The following ZFYVE16 variants were observed in gnomAD, a reference collection of about 807,000 sequenced individuals.
The protein encoded by ZFYVE16 is zinc finger FYVE-type containing 16.
A neutral mutation model predicts 138.1 loss-of-function variants in ZFYVE16; 89 were observed. The observed-to-expected ratio is 0.64, with a 90% CI of 0.54 to 0.77. The LOEUF is 0.77. Among genes scored for constraint, ZFYVE16 ranks in the 30% least tolerant of loss-of-function variants. ZFYVE16 has a pLI of 0.00. For synonymous variants in ZFYVE16, 596 were observed against 618.3 expected, an observed-to-expected ratio of 0.96 and a Z score of 0.53; for missense variants, 1,793 against 1,786.7, an observed-to-expected ratio of 1.00 and a Z score of -0.06.
chr5:80,466,146 G>A (rs1459225653), intron 15 of ZFYVE16, among the ~76,000 whole-genome samples: 2 of 151,690 alleles, frequency 1.3e-5, no homozygotes, highest in Admixed American at 1.3e-4. Flanking sequence ...GGCTGGTCTC[G>A]AACTCCTGAA....
intron 1 of ZFYVE16, among the ~76,000 whole-genome samples, chr5:80,415,710 C>T (rs1746113744): frequency 6.6e-6 from 1 of 152,084 alleles, no homozygotes; most frequent in African/African-American, 2.4e-5. Flanking sequence ...CTCTATCACC[C>T]AGGCTGGAGT....
At chr5:80,436,441 C>T (rs910786920) in intron 3 of ZFYVE16, among the ~76,000 whole-genome samples, 1 of 152,102 alleles carries the variant, frequency 6.6e-6, no homozygotes, top group Non-Finnish European at 1.5e-5. Context: ...ATTTCTTGAA[C>T]ACTTAAGTTT....
At chr5:80,424,897 T>C (rs574234679) in intron 1 of ZFYVE16, among the ~76,000 whole-genome samples, 2 of 152,374 alleles carry the variant, frequency 1.3e-5, no homozygotes, top group Non-Finnish European at 2.9e-5. Context: ...CCAATGTTAT[T>C]GAAAATTCTT....
In ZFYVE16 at chr5:80,459,397, T is replaced by G; in HGVS notation, c.3944-17T>G. On this transcript the variant is annotated splice_polypyrimidine_tract_variant and intron_variant, in intron 14 of 18. Transcript: ENST00000505560. ...ATGAGCAGTTTAAAACAAATAATTG[T>G]TGTATTTCTTGATCAGTGACAGGTG... 3 of 1,606,568 alleles carry G rather than the reference T, an allele frequency of 1.9e-6. No homozygotes were observed. The highest frequency in any genetic ancestry group is 2.6e-6 in the Non-Finnish European group (3 of 1,176,218).
chr5:80,411,134 A>ATTTTTT (rs58086060), intron 1 of ZFYVE16, among the ~76,000 whole-genome samples: 9 of 95,230 alleles, frequency 9.5e-5, no homozygotes, highest in African/African-American at 1.6e-4. Flanking sequence ...CGCCCAGCTA[A>ATTTTTT]TTTTTTTTTT....
chr5:80,452,327 C>T (rs1435391662), intron 11 of ZFYVE16: 2 of 149,090 alleles, frequency 1.3e-5, no homozygotes, highest in African/African-American at 5.0e-5. Flanking sequence ...TGCAGCTACT[C>T]AGGAGGCTGA....
rs376333676 is a variant in ZFYVE16, at chr5:80,439,032, C to A, written c.2322+25C>A. 1.7e-5 allele frequency: 26 copies of A among 1,570,356 alleles called. No individual in the cohort carries two copies. In the African/African-American group the frequency reaches 3.4e-4, roughly 21 times the overall value. ...AGTAAGTTATAAAAATCTTTTAAGT[C>A]TTTTGTTCTTTTGAGACATTTTAAA... On this transcript the variant is annotated intron_variant, in intron 4 of 18. Transcript: ENST00000505560.
chr5:80,419,755 A>T (rs1485229152), intron 1 of ZFYVE16, among the ~76,000 whole-genome samples: 2 of 151,856 alleles, frequency 1.3e-5, no homozygotes, highest in East Asian at 3.9e-4. Context: ...TTTAGTTGGG[A>T]TTGCACAAGA....
rs763987529 is a variant in ZFYVE16, at chr5:80,438,980, G to T, written c.2295G>T (p.Arg765=). The change falls in exon 4 of 19, where the codon CGG becomes CGT. Residue 765 remains arginine, a synonymous_variant. Transcript: ENST00000505560. The stretch of plus-strand genomic sequence containing the variant: ...AAGTCAAATTTACTTTTACCAAACG[G>T]CGACACCATTGCCGAGCATGTGGGA... ...NCQVKFTFTK[R]RHHCRACGKV... is the part of the protein sequence containing the mutation. 5 of 1,612,218 alleles carry T rather than the reference G, an allele frequency of 3.1e-6. No individual in the cohort carries two copies. The highest frequency in any genetic ancestry group is 1.7e-4 in the Middle Eastern group (1 of 6,052).
intron 1 of ZFYVE16, among the ~76,000 whole-genome samples, chr5:80,420,792 A>G (rs1177714514): frequency 3.3e-5 from 5 of 152,194 alleles, no homozygotes; most frequent in African/African-American, 7.2e-5. Context: ...ATGATTTATA[A>G]TCCTTTGGGT....
intron 1 of ZFYVE16, among the ~76,000 whole-genome samples, chr5:80,410,770 A>G (rs1394456440): frequency 6.6e-6 from 1 of 151,130 alleles, no homozygotes; most frequent in Non-Finnish European, 1.5e-5. Flanking sequence ...GGGTTTCACC[A>G]TGTTGGCCAG....
In ZFYVE16 at chr5:80,478,956, C is replaced by G. The variant is rs1755145640; in HGVS notation, c.*1579C>G. On this transcript the variant is annotated 3_prime_UTR_variant, in exon 19 of 19. Transcript: ENST00000505560. ...AAGATGAAAACAATTGCATATCAAA[C>G]CCAATTTATGTTTTCTAAATATAGT... The G allele has an allele frequency of 6.6e-6, 1 of 152,078 alleles. No individual in the cohort carries two copies. The highest frequency in any genetic ancestry group is 2.1e-4 in the South Asian group (1 of 4,828). The allele number at this position is 152,078 out of a possible 1,614,324, so 9.4% of individuals were successfully genotyped here.
chr5:80,423,130 T>G (rs1747482491), intron 1 of ZFYVE16, among the ~76,000 whole-genome samples: 1 of 152,214 alleles, frequency 6.6e-6, no homozygotes, highest in African/African-American at 2.4e-5. Context: ...TTGGCAAAAT[T>G]CAGCAGTGGA....
chr5:80,440,464 G>C, intron 5 of ZFYVE16: 1 of 985,546 alleles, frequency 1.0e-6, no homozygotes, highest in Non-Finnish European at 1.2e-6. Context: ...TAAAATGAGA[G>C]TAGAAGATAA....
At position 80,457,975 on chromosome 5, in the gene ZFYVE16, C is replaced by G. The variant is rs910979899; in HGVS notation, c.3943+883C>G. The stretch of plus-strand genomic sequence containing the variant: ...CGGGAGGCGGAGCTTGCAGTGAGCC[C>G]AGATCGTGCCACTGCACTCCCGCCT... On this transcript the variant is annotated intron_variant, in intron 14 of 18. Coordinates refer to ENST00000505560, the MANE Select transcript of ZFYVE16 (RefSeq NM_001284236.3). Among the ~76,000 whole-genome samples, 18 of 148,574 alleles carry G rather than the reference C, an allele frequency of 1.2e-4. 1 individual carries two copies. The highest frequency in any genetic ancestry group is 1.1e-3 in the Admixed American group (16 of 14,700).
chr5:80,432,742 A>C (rs1749256509), intron 2 of ZFYVE16, among the ~76,000 whole-genome samples: 1 of 152,202 alleles, frequency 6.6e-6, no homozygotes, highest in East Asian at 1.9e-4. Flanking sequence ...AATTTACAAG[A>C]AAAAAACAAA....
intron 15 of ZFYVE16, 78 bp downstream of exon 15, chr5:80,459,572 A>T: frequency 8.0e-7 from 1 of 1,255,222 alleles, no homozygotes. Context: ...TGATATTTAC[A>T]CAAGAACATA....
In ZFYVE16 at chr5:80,436,739, CTG is replaced by C; in HGVS notation, c.71-15_71-14del. On this transcript the variant is annotated splice_polypyrimidine_tract_variant and intron_variant, in intron 3 of 18. Coordinates refer to ENST00000505560, the MANE Select transcript of ZFYVE16 (RefSeq NM_001284236.3). ...TTTGATTTAAGTCTCCCGAATAACA[CTG>C]TTTCTCTATTTCAGATGAACAAGAT... 6.3e-7 allele frequency: 1 copy of C among 1,581,742 alleles called. No individual in the cohort carries two copies. Among genetic ancestry groups the C allele is most frequent in the South Asian group, 1.1e-5 (1 of 87,720 alleles).
At chr5:80,464,817 AT>A (rs890978838) in intron 15 of ZFYVE16, among the ~76,000 whole-genome samples, 3 of 151,870 alleles carry the variant, frequency 2.0e-5, no homozygotes, top group Non-Finnish European at 2.9e-5. Context: ...TTTAATATGT[AT>A]TTTTTTAGTT....
Sources: allele counts gnomAD v4.1 joint callset (sites outside exome capture counted in the v4.1 genomes callset), GRCh38; gene constraint gnomAD v4.1.1; transcripts MANE v1.5; gene names NCBI Gene and HGNC (gene_info 2026-07-23, HGNC 2026-07-21).